CHD6: variants seen among roughly 807,000 people sequenced by gnomAD.
The protein encoded by CHD6 is chromodomain helicase DNA binding protein 6.
CHD6 carries 50 observed loss-of-function variants against 276.9 expected under a neutral mutation model. That is an observed-to-expected ratio of 0.18 (90% CI 0.14 to 0.23). The LOEUF (loss-of-function observed/expected upper bound fraction) is 0.23. Among genes scored for constraint, CHD6 ranks in the 10% least tolerant of loss-of-function variants. CHD6 has a pLI of 1.00. For synonymous variants in CHD6, 1,173 were observed against 1,229.3 expected (o/e 0.95, Z 0.96); for missense variants, 2,564 against 3,365.8 (o/e 0.76, Z 5.89).
intron 1 of CHD6, among the ~76,000 whole-genome samples, chr20:41,602,323 G>A (rs927758410): frequency 1.3e-5 from 2 of 152,140 alleles, no homozygotes; most frequent in African/African-American, 2.4e-5. Context: ...AGAGAAGAGG[G>A]GATGCTGGCA....
At chr20:41,591,146 G>A (rs920407713) in intron 1 of CHD6, among the ~76,000 whole-genome samples, 1 of 146,830 alleles carries the variant, frequency 6.8e-6, no homozygotes, top group African/African-American at 2.5e-5. Context: ...TCACTCATAG[G>A]TGGGAATTGA....
At chr20:41,477,651 C>G (rs1009916982) in intron 16 of CHD6, among the ~76,000 whole-genome samples, 1 of 152,094 alleles carries the variant, frequency 6.6e-6, no homozygotes, top group Non-Finnish European at 1.5e-5. Flanking sequence ...CCAATTAAAT[C>G]CACCAAAAGA....
At chr20:41,604,800 A>G (rs1001229597) in intron 1 of CHD6, among the ~76,000 whole-genome samples, 3 of 152,132 alleles carry the variant, frequency 2.0e-5, no homozygotes, top group African/African-American at 7.2e-5. Context: ...CCATTTTCCA[A>G]GGGTTTTCAT....
chr20:41,433,720 C>A (rs370195240), intron 27 of CHD6, among the ~76,000 whole-genome samples: 1 of 151,380 alleles, frequency 6.6e-6, no homozygotes, highest in African/African-American at 2.4e-5. Flanking sequence ...TTTTCCTTCT[C>A]CTCTTGAGTT....
intron 16 of CHD6, chr20:41,482,474 G>C (rs760331532): frequency 4.2e-6 from 2 of 476,848 alleles, no homozygotes; most frequent in Non-Finnish European, 8.3e-6. Flanking sequence ...TAATGTACAA[G>C]GGCAAACAGA....
intron 1 of CHD6, among the ~76,000 whole-genome samples, chr20:41,557,329 C>T (rs2045251039): frequency 6.6e-6 from 1 of 152,128 alleles, no homozygotes; most frequent in Non-Finnish European, 1.5e-5. Context: ...TCCCATTCCT[C>T]TTATACTCAC....
intron 2 of CHD6, among the ~76,000 whole-genome samples, chr20:41,546,871 T>C (rs1202671422): frequency 6.6e-6 from 1 of 152,214 alleles, no homozygotes; most frequent in Non-Finnish European, 1.5e-5. Flanking sequence ...CAACGATTCT[T>C]TAGGCAAAAC....
chr20:41,443,715 A>T (rs750727605), intron 25 of CHD6, among the ~76,000 whole-genome samples: 4 of 152,134 alleles, frequency 2.6e-5, no homozygotes, highest in Admixed American at 6.5e-5. Context: ...TTCTTGGACC[A>T]CAGAGCTTTT....
intron 3 of CHD6, among the ~76,000 whole-genome samples, chr20:41,524,269 T>C (rs1294324655): frequency 6.6e-6 from 1 of 152,212 alleles, no homozygotes; most frequent in African/African-American, 2.4e-5. Context: ...TTGGTATTGA[T>C]TTTTTAAAGA....
chr20:41,438,364 C>T lies in CHD6; in HGVS notation c.4008-1030G>A, dbSNP rs3746541. On this transcript the variant is annotated intron_variant, in intron 26 of 36. Coordinates refer to ENST00000373233, the MANE Select transcript of CHD6 (RefSeq NM_032221.5). ...CAGCCCTTAGGGAGGCTGAGGTGGG[C>T]GGATCACCTGAGGTCAGGAGTTCGA... 3.2e-4 allele frequency among the ~76,000 whole-genome samples: 48 copies of T among 151,996 alleles called. No individual in the cohort carries two copies. The East Asian group carries it at 4.3e-3, about 14-fold the overall frequency.
At position 41,484,615 on chromosome 20, in the gene CHD6, G is replaced by A. The variant is rs2043368825; in HGVS notation, c.2002-8C>T. On this transcript the variant is annotated splice_region_variant and splice_polypyrimidine_tract_variant and intron_variant, in intron 14 of 36. Transcript: ENST00000373233. ...AGACTGCAGTTTCTTTACCTGTCCAGGGAAATGAGACCTAGTTACCTGCCT... is the reference window on the plus strand; with the variant it reads ...AGACTGCAGTTTCTTTACCTGTCCAAGGAAATGAGACCTAGTTACCTGCCT... The A allele has an allele frequency of 6.2e-7, 1 of 1,613,396 alleles. No individual in the cohort carries two copies.
In CHD6 at chr20:41,520,850, T is replaced by C. The variant is rs184284452; in HGVS notation, c.555-5898A>G. The stretch of plus-strand genomic sequence containing the variant: ...ATTAAAAAAAAATTCTACAAACTGA[T>C]AGGCAATGATTTCTAAAGATATTTA... On this transcript the variant is annotated intron_variant, in intron 3 of 36. Transcript: ENST00000373233. Among the ~76,000 whole-genome samples, 5 of 152,116 alleles carry C rather than the reference T, an allele frequency of 3.3e-5. No homozygotes were observed. In the East Asian group the frequency reaches 9.6e-4, roughly 29 times the overall value.
intron 1 of CHD6, among the ~76,000 whole-genome samples, chr20:41,567,850 G>A (rs2045375789): frequency 6.6e-6 from 1 of 152,172 alleles, no homozygotes; most frequent in African/African-American, 2.4e-5. Context: ...GGCACTCCCT[G>A]AAGGAACACA....
At chr20:41,465,714 G>C (rs2039976412) in intron 17 of CHD6, among the ~76,000 whole-genome samples, 1 of 152,198 alleles carries the variant, frequency 6.6e-6, no homozygotes, top group Non-Finnish European at 1.5e-5. Flanking sequence ...ATTAAGGGAA[G>C]CTGGGTGAAC....
At chr20:41,618,006 G>C (rs1478594269) in intron 1 of CHD6, among the ~76,000 whole-genome samples, 8 of 146,482 alleles carry the variant, frequency 5.5e-5, no homozygotes, top group African/African-American at 2.0e-4. Flanking sequence ...GGGTCTGCCC[G>C]GACCCCCGCC....
chr20:41,582,886 A>C (rs1041945697), intron 1 of CHD6, among the ~76,000 whole-genome samples: 1 of 152,212 alleles, frequency 6.6e-6, no homozygotes, highest in African/African-American at 2.4e-5. Flanking sequence ...TACACAGTCA[A>C]GGAAGTAATC....
chr20:41,405,627 G>A lies in CHD6; in HGVS notation c.7252-138C>T, dbSNP rs145266922. The stretch of plus-strand genomic sequence containing the variant: ...GTTCCCAGTACAAGGAGCACCTCCC[G>A]CCTACTTGTGCAGCTCTCTGGCCTG... On this transcript the variant is annotated intron_variant, in intron 36 of 36. Transcript: ENST00000373233. 243 of 624,112 alleles carry A rather than the reference G, an allele frequency of 3.9e-4. 2 individuals carry two copies. The East Asian group carries it at 6.2e-3, about 16-fold the overall frequency. 38.7% of individuals were successfully genotyped at this position (624,112 alleles called of 1,614,324 possible). A position where few individuals can be genotyped will look rare whatever the true frequency, so the allele number is the denominator to read the frequency against.
intron 1 of CHD6, among the ~76,000 whole-genome samples, chr20:41,608,773 TA>T (rs1442165855): frequency 6.6e-6 from 1 of 152,208 alleles, no homozygotes; most frequent in African/African-American, 2.4e-5. Context: ...GAGAATCTAG[TA>T]ATGATGGTGA....
chr20:41,590,920 C>T (rs375285673), intron 1 of CHD6, among the ~76,000 whole-genome samples: 1 of 151,500 alleles, frequency 6.6e-6, no homozygotes, highest in African/African-American at 2.4e-5. Context: ...CGTATGTTTA[C>T]TGCAGCACTA....
Sources: gnomAD v4.1 joint callset for allele counts (sites outside exome capture counted in the v4.1 genomes callset) on GRCh38, gnomAD v4.1.1 for gene constraint, MANE v1.5 for transcripts, NCBI Gene and HGNC (gene_info 2026-07-23, HGNC 2026-07-21) for gene names.